NRXN3: variants seen among roughly 807,000 people sequenced by gnomAD.
NRXN3 encodes the protein neurexin III.
Under a neutral mutation model 137.6 loss-of-function variants are expected in NRXN3, and 32 were observed. The ratio of observed to expected loss-of-function variants is 0.23; its 90% CI spans 0.18 to 0.31. The LOEUF (loss-of-function observed/expected upper bound fraction) is 0.31. Ranked by LOEUF, NRXN3 falls within the 10% of genes least tolerant of loss-of-function variation. The pLI is 1.00. For synonymous variants in NRXN3, 798 were observed against 784.5 expected (o/e 1.02, Z -0.29); for missense variants, 1,574 against 2,062.5 (o/e 0.76, Z 4.59).
intron 4 of NRXN3, among the ~76,000 whole-genome samples, chr14:78,634,352 A>AAT (rs2097548828): frequency 1.3e-5 from 2 of 152,216 alleles, no homozygotes; most frequent in African/African-American, 4.8e-5. Flanking sequence ...ATTTCAATTC[A>AAT]ATTCCACAGG....
At chr14:79,545,536 AT>A (rs2097310887) in intron 16 of NRXN3, among the ~76,000 whole-genome samples, 1 of 152,106 alleles carries the variant, frequency 6.6e-6, no homozygotes, top group African/African-American at 2.4e-5. Flanking sequence ...AGATCAACTG[AT>A]TAGCAAATTT....
At chr14:78,383,348 G>A (rs973753201) in intron 4 of NRXN3, among the ~76,000 whole-genome samples, 3 of 152,162 alleles carry the variant, frequency 2.0e-5, no homozygotes, top group African/African-American at 7.2e-5. Context: ...CTGTTGGGGC[G>A]AGATGGGCCC....
intron 16 of NRXN3, among the ~76,000 whole-genome samples, chr14:79,581,746 T>C (rs2097718294): frequency 6.6e-6 from 1 of 152,230 alleles, no homozygotes; most frequent in African/African-American, 2.4e-5. Context: ...TAGTTTTCTT[T>C]GTGTATGTGA....
rs1442330513 is a variant in NRXN3, at chr14:79,862,306, C to T, written c.*342C>T. 5.0e-6 allele frequency: 1 copy of T among 200,586 alleles called. No individual in the cohort carries two copies. Among genetic ancestry groups the T allele is most frequent in the African/African-American group, 2.3e-5 (1 of 43,130 alleles). 12.4% of individuals were successfully genotyped at this position (200,586 alleles called of 1,614,324 possible). A position where few individuals can be genotyped will look rare whatever the true frequency, so the allele number is the denominator to read the frequency against. On this transcript the variant is annotated 3_prime_UTR_variant, in exon 21 of 21. Coordinates refer to ENST00000335750, the MANE Select transcript of NRXN3 (RefSeq NM_001330195.2). ...CTGGAAACTTCCTTCTCCGGAGGAC[C>T]TTTTACTAAAAGGTAGAAGACTTCA...
At chr14:78,453,085 A>C (rs1276870790) in intron 4 of NRXN3, among the ~76,000 whole-genome samples, 2 of 152,126 alleles carry the variant, frequency 1.3e-5, no homozygotes, top group Admixed American at 6.6e-5. Context: ...TTTCAGAGGG[A>C]GAGGGTGGGC....
intron 16 of NRXN3, among the ~76,000 whole-genome samples, chr14:79,512,828 C>T (rs931629499): frequency 6.6e-6 from 1 of 152,180 alleles, no homozygotes. Flanking sequence ...TCCCACAAAT[C>T]AGCAATTGCA....
chr14:78,812,956 TC>T (rs759741820), intron 10 of NRXN3, among the ~76,000 whole-genome samples: 1 of 152,188 alleles, frequency 6.6e-6, no homozygotes, highest in African/African-American at 2.4e-5. Flanking sequence ...TTTAAACTAA[TC>T]TAACACCTTT....
chr14:78,739,261 C>T (rs1403251493), intron 8 of NRXN3, among the ~76,000 whole-genome samples: 1 of 152,206 alleles, frequency 6.6e-6, no homozygotes, highest in Admixed American at 6.5e-5. Context: ...TGGTAACAGC[C>T]CAACAATGCC....
chr14:78,536,764 C>A (rs1258092804), intron 4 of NRXN3, among the ~76,000 whole-genome samples: 1 of 151,542 alleles, frequency 6.6e-6, no homozygotes, highest in Non-Finnish European at 1.5e-5. Context: ...CCCAGCCCCC[C>A]ACCCATGACA....
At chr14:78,258,587 G>A (rs984643123) in intron 2 of NRXN3, among the ~76,000 whole-genome samples, 3 of 152,124 alleles carry the variant, frequency 2.0e-5, no homozygotes, top group Non-Finnish European at 4.4e-5. Context: ...ATTTAGGATC[G>A]TGGGGGAAAG....
At chr14:79,506,088 G>T (rs528268490) in intron 16 of NRXN3, among the ~76,000 whole-genome samples, 1 of 152,260 alleles carries the variant, frequency 6.6e-6, no homozygotes, top group Admixed American at 6.5e-5. Flanking sequence ...CAGCAACAGA[G>T]ACTAAATCAA....
At chr14:78,476,073 T>G (rs931753173) in intron 4 of NRXN3, among the ~76,000 whole-genome samples, 1 of 152,186 alleles carries the variant, frequency 6.6e-6, no homozygotes, top group South Asian at 2.1e-4. Flanking sequence ...TAATTCCCAA[T>G]GACATTGCTA....
chr14:79,696,543 C>G (rs1161790130), intron 18 of NRXN3, among the ~76,000 whole-genome samples: 3 of 151,778 alleles, frequency 2.0e-5, no homozygotes, highest in Non-Finnish European at 4.4e-5. Context: ...TATTGCTGTT[C>G]TGATAAATTG....
intron 16 of NRXN3, among the ~76,000 whole-genome samples, chr14:79,494,666 AC>A (rs2096749673): frequency 6.6e-6 from 1 of 152,154 alleles, no homozygotes; most frequent in Admixed American, 6.5e-5. Flanking sequence ...AGTTTTTTAA[AC>A]TTTTTATCGT....
Position 79,178,961 on chromosome 14 carries a change from G to A in NRXN3, c.3262+190820G>A, listed in dbSNP as rs1287566904. On this transcript the variant is annotated intron_variant, in intron 15 of 20. Coordinates refer to ENST00000335750, the MANE Select transcript of NRXN3 (RefSeq NM_001330195.2). ...TTGGTGAAGGACCCTTCCAATACAA[G>A]TCTTCTGGCTTTTCTTTCTACTAGA... is the stretch of plus-strand genomic sequence containing the variant. 2.0e-5 allele frequency among the ~76,000 whole-genome samples: 3 copies of A among 152,100 alleles called. No individual in the cohort carries two copies. The East Asian group carries it at 5.8e-4, about 29-fold the overall frequency.
chr14:79,351,488 T>G (rs577858794), intron 15 of NRXN3, among the ~76,000 whole-genome samples: 1 of 152,294 alleles, frequency 6.6e-6, no homozygotes, highest in East Asian at 1.9e-4. Flanking sequence ...TTGAACCTTT[T>G]TATAAGCTGC....
chr14:78,761,497 A>C (rs2098692318), intron 8 of NRXN3, among the ~76,000 whole-genome samples: 1 of 152,128 alleles, frequency 6.6e-6, no homozygotes, highest in South Asian at 2.1e-4. Context: ...TAGCTTGTTT[A>C]ACTCAATGAC....
chr14:78,831,136 A>G (rs1406613611), intron 10 of NRXN3, among the ~76,000 whole-genome samples: 1 of 152,134 alleles, frequency 6.6e-6, no homozygotes, highest in Non-Finnish European at 1.5e-5. Context: ...TCACTAAACT[A>G]TTTATGGGAC....
At chr14:78,570,600 G>GC (rs769784095) in intron 4 of NRXN3, among the ~76,000 whole-genome samples, 81 of 152,284 alleles carry the variant, frequency 5.3e-4, no homozygotes, top group Non-Finnish European at 7.2e-4. Context: ...TTCTCCAGCA[G>GC]CCCCCAGGAA....
Sources: gnomAD v4.1 joint callset for allele counts (sites outside exome capture counted in the v4.1 genomes callset) on GRCh38, gnomAD v4.1.1 for gene constraint, MANE v1.5 for transcripts, NCBI Gene and HGNC (gene_info 2026-07-23, HGNC 2026-07-21) for gene names.